FANCD2: variants seen among roughly 807,000 people sequenced by gnomAD.
FANCD2 encodes FA complementation group D2.
Under a neutral mutation model 192.3 loss-of-function variants are expected in FANCD2, and 131 were observed. That is an observed-to-expected ratio of 0.68 (90% confidence interval 0.59 to 0.79). The LOEUF is 0.79. Among genes scored for constraint, FANCD2 ranks in the 30% least tolerant of loss-of-function variants. FANCD2 has a pLI of 0.00. For missense variants in FANCD2, 1,508 were observed against 1,701.6 expected, an observed-to-expected ratio of 0.89 and a Z score of 2.00; for synonymous variants, 524 against 612.5, an observed-to-expected ratio of 0.86 and a Z score of 2.13.
At chr3:10,055,831 A>T (rs1351795199) in intron 18 of FANCD2, among the ~76,000 whole-genome samples, 1 of 151,714 alleles carries the variant, frequency 6.6e-6, no homozygotes, top group Non-Finnish European at 1.5e-5. Flanking sequence ...ATAATAATAA[A>T]TAAATAAATA....
intron 18 of FANCD2, among the ~76,000 whole-genome samples, chr3:10,058,705 A>G (rs1159051509): frequency 6.6e-6 from 1 of 152,194 alleles, no homozygotes; most frequent in East Asian, 1.9e-4. Context: ...ATTGGTCTAT[A>G]CGTCTGTCCT....
intron 18 of FANCD2, among the ~76,000 whole-genome samples, chr3:10,056,159 G>T (rs1275554171): frequency 6.6e-6 from 1 of 152,170 alleles, no homozygotes; most frequent in South Asian, 2.1e-4. Flanking sequence ...GACTACAGGC[G>T]TGAGCCACTG....
At chr3:10,051,378 C>G (rs1179541123) in intron 17 of FANCD2, among the ~76,000 whole-genome samples, 2 of 62,710 alleles carry the variant, frequency 3.2e-5, no homozygotes, top group Admixed American at 3.0e-4. Flanking sequence ...GAGACTCCGT[C>G]TCAAAAAAAA....
intron 29 of FANCD2, among the ~76,000 whole-genome samples, chr3:10,077,756 G>T (rs1456485922): frequency 6.6e-6 from 1 of 152,020 alleles, no homozygotes; most frequent in African/African-American, 2.4e-5. Flanking sequence ...GGGCCCAGGT[G>T]TGGTGGTTCA....
In FANCD2 at chr3:10,087,622, TA is replaced by T. The variant is rs565950016; in HGVS notation, c.3466+362del. Among the ~76,000 whole-genome samples, 111 of 152,136 alleles carry T rather than the reference TA, an allele frequency of 7.3e-4. 1 individual carries two copies. In the South Asian group the frequency reaches 0.018, roughly 25 times the overall value. On this transcript the variant is annotated intron_variant, in intron 34 of 43. Transcript: ENST00000675286. ...ATAAAGGAGAAATCAGGGTCAAGTA[TA>T]AAAGAAATACTGGCCTCTTCCCTGG...
At chr3:10,101,065 T>TAA (rs78434344) in intron 43 of FANCD2, 123 bp from the exon 44 acceptor site, 137 of 616,492 alleles carry the variant, frequency 2.2e-4, no homozygotes, top group East Asian at 3.0e-4. Flanking sequence ...AAGACTCCTT[T>TAA]AAAAAAAAAA....
chr3:10,043,697 T>A lies in FANCD2; in HGVS notation c.1098+105T>A. ...ATAAAAATCTCAAAACTCATTCAAG[T>A]GGAAATGATAGCTGATGGTTGCCAG... On this transcript the variant is annotated intron_variant, in intron 13 of 43. Transcript: ENST00000675286. The A allele has an allele frequency of 2.3e-6, 3 of 1,318,790 alleles. No individual in the cohort carries two copies. The South Asian group carries it at 3.6e-5, about 16-fold the overall frequency. The allele number at this position is 1,318,790 out of a possible 1,614,324, so 81.7% of individuals were successfully genotyped here.
In FANCD2 at chr3:10,050,244, G is replaced by C. The variant is rs34610029; in HGVS notation, c.1545+739G>C. Among the ~76,000 whole-genome samples, 262 of 152,280 alleles carry C rather than the reference G, an allele frequency of 1.7e-3. 1 individual carries two copies. The highest frequency in any genetic ancestry group is 6.1e-3 in the African/African-American group (253 of 41,552). Reference sequence around the variant, plus strand: ...ATGGTCTAAGGGAGTGAGAGTAAGGGCCAGATTTTGGTCACGGGAATGTAG... The same window carrying C: ...ATGGTCTAAGGGAGTGAGAGTAAGGCCCAGATTTTGGTCACGGGAATGTAG... On this transcript the variant is annotated intron_variant, in intron 17 of 43. Transcript: ENST00000675286.
chr3:10,056,332 T>C (rs1021798949), intron 18 of FANCD2, among the ~76,000 whole-genome samples: 1 of 152,116 alleles, frequency 6.6e-6, no homozygotes, highest in African/African-American at 2.4e-5. Flanking sequence ...TTAGGGTGTA[T>C]ATCTAAGAGT....
At chr3:10,048,698 A>G (rs1398335824) in intron 16 of FANCD2, among the ~76,000 whole-genome samples, 3 of 152,198 alleles carry the variant, frequency 2.0e-5, no homozygotes, top group Non-Finnish European at 4.4e-5. Context: ...CTTATTTTGT[A>G]TTTTTACATA....
rs556548817 is a variant in FANCD2 at position 10,088,921 on chromosome 3, A to G, written c.3654A>G (p.Ala1218=). ...VPELINSPKD[A]SSSTFPTLTR... ...AACTGATCAACTCTCCTAAAGATGC[A>G]TCTTCCTCCACATTCCCTACACTGA... Residue 1218 remains alanine (A), a synonymous_variant, in exon 36 of 44, where the codon GCA becomes GCG. Transcript: ENST00000675286. 171 of 1,614,082 alleles carry G rather than the reference A, an allele frequency of 1.1e-4. No homozygotes were observed. In the South Asian group the frequency reaches 1.7e-3, roughly 16 times the overall value.
intron 36 of FANCD2, among the ~76,000 whole-genome samples, chr3:10,089,191 A>C (rs1284837887): frequency 6.6e-6 from 1 of 152,020 alleles, no homozygotes; most frequent in Non-Finnish European, 1.5e-5. Flanking sequence ...AGGCTGAGGT[A>C]GGAGAATTGC....
At chr3:10,078,046 C>A in intron 29 of FANCD2, 35 bp from the exon 30 acceptor site, 1 of 1,341,146 alleles carries the variant, frequency 7.5e-7, no homozygotes, top group Non-Finnish European at 1.1e-6. Flanking sequence ...ATGACTAGGA[C>A]ATTCCTGGAA....
In FANCD2 at chr3:10,069,768, A is replaced by G. The variant is rs1407478792; in HGVS notation, c.2494+2451A>G. Among the ~76,000 whole-genome samples the G allele has an allele frequency of 1.3e-4, 20 of 152,130 alleles. No individual in the cohort carries two copies. In the South Asian group the frequency reaches 1.5e-3, roughly 11 times the overall value. ...CGGAGTCTGGTTCACTCAGTGCTCA[A>G]TGGTGCCCAGGCTGGAGTGCAGTAG... On this transcript the variant is annotated intron_variant, in intron 26 of 43. Coordinates refer to ENST00000675286, the MANE Select transcript of FANCD2 (RefSeq NM_001018115.3).
intron 30 of FANCD2, among the ~76,000 whole-genome samples, chr3:10,079,525 C>T (rs763281604): frequency 3.3e-5 from 5 of 152,084 alleles, no homozygotes; most frequent in Non-Finnish European, 4.4e-5. Context: ...AGGCTGATCT[C>T]GAACTCCTGA....
intron 17 of FANCD2, among the ~76,000 whole-genome samples, chr3:10,051,172 A>G (rs1410121889): frequency 6.6e-6 from 1 of 151,054 alleles, no homozygotes; most frequent in Non-Finnish European, 1.5e-5. Context: ...CGAGGTCAGG[A>G]GATCGAGACC....
intron 34 of FANCD2, among the ~76,000 whole-genome samples, chr3:10,088,066 T>G (rs535262063): frequency 1.7e-4 from 26 of 152,326 alleles, no homozygotes; most frequent in African/African-American, 6.0e-4. Flanking sequence ...CCCTATTGAT[T>G]AAAAGGGGAA....
chr3:10,074,934 C>CTAT (rs909793166), intron 29 of FANCD2, among the ~76,000 whole-genome samples: 4 of 151,856 alleles, frequency 2.6e-5, no homozygotes, highest in African/African-American at 9.7e-5. Context: ...ACTACTACTA[C>CTAT]TAATAAGCTA....
chr3:10,039,402 T>C (rs2086808710), intron 8 of FANCD2, 45 bp downstream of exon 8: 1 of 1,468,336 alleles, frequency 6.8e-7, no homozygotes. Context: ...AGTATGTTTC[T>C]CATATCTTTT....
Sources: allele counts gnomAD v4.1 joint callset (sites outside exome capture counted in the v4.1 genomes callset), GRCh38; gene constraint gnomAD v4.1.1; transcripts MANE v1.5; gene names NCBI Gene and HGNC (gene_info 2026-07-23, HGNC 2026-07-21).